STRBP: variants seen among roughly 807,000 people sequenced by gnomAD.
The protein encoded by STRBP is spermatid perinuclear RNA binding protein, also known as spermatid perinuclear RNA-binding protein.
In STRBP, 13 loss-of-function variants were observed where a neutral mutation model predicts 80.1. The observed-to-expected ratio is 0.16, with a 90% confidence interval of 0.11 to 0.26. The LOEUF (loss-of-function observed/expected upper bound fraction) is 0.26, where lower values mean the gene tolerates loss of function less well. Among genes scored for constraint, STRBP ranks in the 10% least tolerant of loss-of-function variants. The pLI is 1.00. For missense variants in STRBP, 485 were observed against 815.2 expected (o/e 0.59, Z 4.93); for synonymous variants, 284 against 291.2 (o/e 0.98, Z 0.25).
chr9:123,248,463 T>C (rs1588153275), intron 1 of STRBP, among the ~76,000 whole-genome samples: 1 of 151,742 alleles, frequency 6.6e-6, no homozygotes, highest in Non-Finnish European at 1.5e-5. Context: ...GTAGAGACGG[T>C]GTTTTACCAT....
At chr9:123,118,722 T>C (rs554721672), downstream of STRBP, among the ~76,000 whole-genome samples, 33 of 152,316 alleles carry the variant, frequency 2.2e-4, 1 homozygote, top group South Asian at 6.6e-3. Context: ...TAACACTCAG[T>C]CCTTGTCTAC....
intron 2 of STRBP, among the ~76,000 whole-genome samples, chr9:123,230,789 CT>C (rs2040374937): frequency 6.6e-6 from 1 of 152,194 alleles, no homozygotes; most frequent in Non-Finnish European, 1.5e-5. Context: ...ATTGCTTTAA[CT>C]AAACAGCTTG....
chr9:123,207,710 T>C (rs2039569832), intron 2 of STRBP, among the ~76,000 whole-genome samples: 1 of 152,144 alleles, frequency 6.6e-6, no homozygotes, highest in African/African-American at 2.4e-5. Flanking sequence ...TCTGCACATG[T>C]ATCCCAGAAC....
chr9:123,211,138 A>G (rs2000244), intron 2 of STRBP, among the ~76,000 whole-genome samples: 58,064 of 151,958 alleles, frequency 0.38, 18,046 homozygotes, highest in African/African-American at 0.83. Flanking sequence ...GAAAACATGC[A>G]AAACGTCCAT....
At chr9:123,114,261 G>A (rs982927289) in intron 3 of STRBP, 2 of 167,092 alleles carry the variant, frequency 1.2e-5, no homozygotes, top group African/African-American at 4.8e-5. Context: ...GCAGCACTGG[G>A]ACAGACACAA....
chr9:123,135,937 G>A, intron 16 of STRBP, 104 bp downstream of exon 16: 1 of 1,470,620 alleles, frequency 6.8e-7, no homozygotes. Flanking sequence ...CCAAGAAAAG[G>A]AAACAACTTC....
In STRBP at chr9:123,124,849, G is replaced by C. The variant is rs754073819; in HGVS notation, c.*748C>G. On this transcript the variant is annotated 3_prime_UTR_variant, in exon 19 of 19. Coordinates refer to ENST00000348403, the MANE Select transcript of STRBP (RefSeq NM_018387.5). Reference sequence around the variant, plus strand: ...ATAACAGAATGGAACCTTTATCATGGGGATGGCCCTTGTACAACAGGAGTA... The same window carrying C: ...ATAACAGAATGGAACCTTTATCATGCGGATGGCCCTTGTACAACAGGAGTA... The C allele has an allele frequency of 1.4e-4, 139 of 985,284 alleles. No individual in the cohort carries two copies. The highest frequency in any genetic ancestry group is 2.3e-4 in the African/African-American group (13 of 57,224). 61.0% of individuals were successfully genotyped at this position (985,284 alleles called of 1,614,324 possible).
At chr9:123,109,826 G>C (rs1428212222) in intron 3 of STRBP, 1 of 152,164 alleles carries the variant, frequency 6.6e-6, no homozygotes, top group Admixed American at 6.5e-5. Context: ...TGGTGGTCAC[G>C]GTTTCCAGTG....
chr9:123,145,659 G>T (rs931572875), intron 13 of STRBP, among the ~76,000 whole-genome samples: 1 of 152,112 alleles, frequency 6.6e-6, no homozygotes, highest in African/African-American at 2.4e-5. Context: ...CAAGCTTTTC[G>T]TGTCAGCTGC....
intron 2 of STRBP, among the ~76,000 whole-genome samples, chr9:123,214,540 A>G (rs921370010): frequency 2.0e-5 from 3 of 152,202 alleles, no homozygotes; most frequent in African/African-American, 7.2e-5. Context: ...AGAAAGAATC[A>G]GACCACCTGT....
intron 2 of STRBP, among the ~76,000 whole-genome samples, chr9:123,235,950 C>T (rs956050946): frequency 1.3e-5 from 2 of 152,176 alleles, no homozygotes; most frequent in African/African-American, 4.8e-5. Context: ...AATAATCCAT[C>T]TGCACAAATA....
chr9:123,261,783 T>C (rs1204993180), intron 1 of STRBP, among the ~76,000 whole-genome samples: 1 of 152,216 alleles, frequency 6.6e-6, no homozygotes, highest in Non-Finnish European at 1.5e-5. Flanking sequence ...CTTTTAATCA[T>C]CAAAACTGCA....
intron 2 of STRBP, among the ~76,000 whole-genome samples, chr9:123,191,302 A>T (rs2038915669): frequency 6.6e-6 from 1 of 152,122 alleles, no homozygotes; most frequent in South Asian, 2.1e-4. Context: ...CTATGAATTG[A>T]GCACTTCTGG....
intron 17 of STRBP, among the ~76,000 whole-genome samples, chr9:123,131,331 C>G (rs563298737): frequency 1.3e-5 from 2 of 152,324 alleles, no homozygotes. Flanking sequence ...ATCCAAACAA[C>G]GGCCTCCAGG....
At chr9:123,259,043 G>C (rs936881151) in intron 1 of STRBP, among the ~76,000 whole-genome samples, 1 of 134,698 alleles carries the variant, frequency 7.4e-6, no homozygotes, top group African/African-American at 2.7e-5. Context: ...ATTAAGAATA[G>C]ACTATAAGGA....
intron 2 of STRBP, among the ~76,000 whole-genome samples, chr9:123,226,889 T>C (rs907668422): frequency 6.6e-6 from 1 of 152,178 alleles, no homozygotes; most frequent in African/African-American, 2.4e-5. Flanking sequence ...CTCATGGTTC[T>C]AGAGTCTTGG....
chr9:123,139,809 A>G (rs1276318660), intron 13 of STRBP, 122 bp from the exon 14 acceptor site: 6 of 927,964 alleles, frequency 6.5e-6, no homozygotes, highest in Admixed American at 5.4e-5. Flanking sequence ...TTGCAGGAAG[A>G]GCAAGATGGT....
chr9:123,230,053 T>C (rs2040355320), intron 2 of STRBP, among the ~76,000 whole-genome samples: 1 of 152,160 alleles, frequency 6.6e-6, no homozygotes. Context: ...TGTGGGACTA[T>C]ACAGACTATA....
At chr9:123,237,507 A>G (rs2040594514) in intron 1 of STRBP, among the ~76,000 whole-genome samples, 1 of 152,112 alleles carries the variant, frequency 6.6e-6, no homozygotes, top group Non-Finnish European at 1.5e-5. Flanking sequence ...GAGAAATTAT[A>G]TTTGTACAAC....
Sources: gnomAD v4.1 joint callset for allele counts (sites outside exome capture counted in the v4.1 genomes callset) on GRCh38, gnomAD v4.1.1 for gene constraint, MANE v1.5 for transcripts, NCBI Gene and HGNC (gene_info 2026-07-23, HGNC 2026-07-21) for gene names.